Variants in KLHL14 observed in about 807,000 individuals in gnomAD.
KLHL14 encodes the protein kelch like family member 14.
KLHL14 carries 22 observed loss-of-function variants against 64.3 expected under a neutral mutation model. The ratio of observed to expected loss-of-function variants is 0.34; its 90% CI spans 0.24 to 0.49. The LOEUF is 0.49. KLHL14 is among the 20% of genes least tolerant of loss of function. The pLI, the probability that KLHL14 is intolerant of heterozygous loss-of-function variation, is 0.99. For synonymous variants in KLHL14, 322 were observed against 333.4 expected (o/e 0.97, Z 0.37); for missense variants, 661 against 789.0 (o/e 0.84, Z 1.94).
chr18:32,742,888 A>C (rs894123846), intron 2 of KLHL14: 5 of 152,274 alleles, frequency 3.3e-5, no homozygotes, highest in African/African-American at 1.2e-4. Context: ...CCCACCCATC[A>C]AGAGCTGGCA....
intron 2 of KLHL14, among the ~76,000 whole-genome samples, chr18:32,756,480 T>A (rs2050282664): frequency 6.6e-6 from 1 of 152,104 alleles, no homozygotes; most frequent in South Asian, 2.1e-4. Context: ...TTATTCCTTC[T>A]CTTAATAGGT....
chr18:32,756,075 G>A (rs2050280021), intron 2 of KLHL14, among the ~76,000 whole-genome samples: 1 of 152,184 alleles, frequency 6.6e-6, no homozygotes. Flanking sequence ...ATGTGTTGAA[G>A]CCCTAACCCC....
intron 3 of KLHL14, among the ~76,000 whole-genome samples, chr18:32,724,563 G>GT (rs1247690519): frequency 6.6e-6 from 1 of 152,118 alleles, no homozygotes; most frequent in Non-Finnish European, 1.5e-5. Context: ...CTTAACCTTG[G>GT]TTTTCTGACC....
chr18:32,756,826 A>G (rs2050284579), intron 2 of KLHL14, among the ~76,000 whole-genome samples: 1 of 152,216 alleles, frequency 6.6e-6, no homozygotes, highest in Non-Finnish European at 1.5e-5. Context: ...CCTTCTCTAC[A>G]TGACTAGAAG....
At chr18:32,755,870 T>C (rs778934125) in intron 2 of KLHL14, among the ~76,000 whole-genome samples, 34 of 152,336 alleles carry the variant, frequency 2.2e-4, no homozygotes, top group Non-Finnish European at 4.4e-4. Flanking sequence ...ATCTGAATTT[T>C]TTTTTCTCTA....
intron 3 of KLHL14, among the ~76,000 whole-genome samples, chr18:32,733,454 T>G (rs2050147133): frequency 6.6e-6 from 1 of 151,936 alleles, no homozygotes; most frequent in Non-Finnish European, 1.5e-5. Context: ...CTGAGAAGTT[T>G]ATCAGAAAAG....
intron 2 of KLHL14, among the ~76,000 whole-genome samples, chr18:32,767,438 T>A (rs2050353063): frequency 6.6e-6 from 1 of 152,260 alleles, no homozygotes; most frequent in African/African-American, 2.4e-5. Flanking sequence ...ACTATTTGCT[T>A]TTCTATATCT....
At chr18:32,720,857 T>C (rs1189453298) in intron 3 of KLHL14, among the ~76,000 whole-genome samples, 1 of 152,058 alleles carries the variant, frequency 6.6e-6, no homozygotes, top group Non-Finnish European at 1.5e-5. Context: ...GCAAAGAAAA[T>C]ACTCTACCTT....
chr18:32,695,762 AC>A (rs2049933863), intron 3 of KLHL14, among the ~76,000 whole-genome samples: 1 of 151,980 alleles, frequency 6.6e-6, no homozygotes, highest in East Asian at 1.9e-4. Flanking sequence ...TTCAAACCCA[AC>A]CCCTTTTGAC....
chr18:32,676,936 T>A (rs2144462035), intron 8 of KLHL14, among the ~76,000 whole-genome samples: 1 of 152,196 alleles, frequency 6.6e-6, no homozygotes, highest in Middle Eastern at 3.4e-3. Context: ...AATCACAAGG[T>A]CATAGAGACA....
intron 2 of KLHL14, chr18:32,743,379 CTTAATACAG>C (rs1194009826): frequency 1.4e-5 from 2 of 141,746 alleles, no homozygotes; most frequent in Non-Finnish European, 3.0e-5. Context: ...GGAGAGTTAA[CTTAATACAG>C]TTAATGACAT....
At chr18:32,742,849 C>G (rs550276794) in intron 2 of KLHL14, 1 of 152,432 alleles carries the variant, frequency 6.6e-6, no homozygotes, top group East Asian at 1.9e-4. Flanking sequence ...CCTTCTCCCC[C>G]AGGGGGCAAC....
chr18:32,766,225 T>C (rs1000032593), intron 2 of KLHL14, among the ~76,000 whole-genome samples: 2 of 151,834 alleles, frequency 1.3e-5, no homozygotes, highest in Non-Finnish European at 2.9e-5. Context: ...AATTAATATC[T>C]AATCCAATTT....
chr18:32,696,168 C>A (rs2049935828), intron 3 of KLHL14, among the ~76,000 whole-genome samples: 2 of 152,168 alleles, frequency 1.3e-5, no homozygotes, highest in Non-Finnish European at 2.9e-5. Context: ...CATTCTCTAT[C>A]TATCTGCTTA....
chr18:32,693,407 C>CAGAG (rs1313230238), intron 4 of KLHL14, among the ~76,000 whole-genome samples: 12 of 119,886 alleles, frequency 1.0e-4, no homozygotes, highest in African/African-American at 3.9e-4. Flanking sequence ...CACACACACA[C>CAGAG]ACACACAGAG....
At chr18:32,681,035 T>G (rs1217430881) in intron 5 of KLHL14, among the ~76,000 whole-genome samples, 15 of 152,152 alleles carry the variant, frequency 9.9e-5, no homozygotes, top group Admixed American at 9.8e-4. Context: ...TGTTCCCAAT[T>G]TATAAGAGAA....
In KLHL14 at chr18:32,769,621, G is replaced by A. The variant is rs776174807; in HGVS notation, c.947+24C>T. 19 of 493,752 alleles carry A rather than the reference G, an allele frequency of 3.8e-5. No individual in the cohort carries two copies. In the Middle Eastern group the frequency reaches 2.6e-3, roughly 68 times the overall value. The allele number at this position is 493,752 out of a possible 1,614,324, so 30.6% of individuals were successfully genotyped here. A position where few individuals can be genotyped will look rare whatever the true frequency, so the allele number is the denominator to read the frequency against. ...CTCTGGCTCTACCCCCCCCTCCCCC[G>A]CCCTCCTCTTTGTTGTCTCCTACCT... On this transcript the variant is annotated intron_variant, in intron 2 of 8. Transcript: ENST00000359358.
In KLHL14 at chr18:32,766,419, T is replaced by C. The variant is rs145343849; in HGVS notation, c.947+3226A>G. Among the ~76,000 whole-genome samples, 601 of 152,178 alleles carry C rather than the reference T, an allele frequency of 3.9e-3. 8 individuals carry two copies. Among genetic ancestry groups the C allele is most frequent in the Admixed American group, 0.014 (218 of 15,286 alleles). On this transcript the variant is annotated intron_variant, in intron 2 of 8. Transcript: ENST00000359358. Reference sequence around the variant, plus strand: ...TTTCATGCTTTAGATGATGTTAATATTGACTTGTAGAAAGATTAAATCAAG... The same window carrying C: ...TTTCATGCTTTAGATGATGTTAATACTGACTTGTAGAAAGATTAAATCAAG...
intron 2 of KLHL14, among the ~76,000 whole-genome samples, chr18:32,758,707 A>AAAC (rs2050296821): frequency 1.3e-5 from 2 of 152,218 alleles, no homozygotes; most frequent in South Asian, 4.1e-4. Flanking sequence ...GTCCATGGAT[A>AAAC]AACAACAAAA....
Sources: gnomAD v4.1 joint callset for allele counts (sites outside exome capture counted in the v4.1 genomes callset) on GRCh38, gnomAD v4.1.1 for gene constraint, MANE v1.5 for transcripts, NCBI Gene and HGNC (gene_info 2026-07-23, HGNC 2026-07-21) for gene names.